Variants in ZNF385B observed in about 807,000 individuals in gnomAD.
ZNF385B encodes the protein zinc finger protein 385B.
Under a neutral mutation model 39.2 loss-of-function variants are expected in ZNF385B, and 23 were observed. The ratio of observed to expected loss-of-function variants is 0.59; its 90% CI spans 0.42 to 0.83. The LOEUF (loss-of-function observed/expected upper bound fraction) is 0.83, where lower values mean the gene tolerates loss of function less well. Among genes scored for constraint, ZNF385B ranks in the 40% least tolerant of loss-of-function variants. The pLI is 0.00. For synonymous variants in ZNF385B, 205 were observed against 222.6 expected, an observed-to-expected ratio of 0.92 and a Z score of 0.70; for missense variants, 552 against 598.9, an observed-to-expected ratio of 0.92 and a Z score of 0.82.
intron 3 of ZNF385B, among the ~76,000 whole-genome samples, chr2:179,761,147 T>C (rs1369776577): frequency 6.6e-6 from 1 of 152,198 alleles, no homozygotes; most frequent in Non-Finnish European, 1.5e-5. Flanking sequence ...TAACATATAG[T>C]AAGCCTCAAT....
At position 179,861,023 on chromosome 2, in the gene ZNF385B, C is replaced by A. The variant is rs576723128; in HGVS notation, c.-155+78G>T. 248 of 166,564 alleles carry A rather than the reference C, an allele frequency of 1.5e-3. 1 individual carries two copies. Among genetic ancestry groups the A allele is most frequent in the Non-Finnish European group, 2.8e-3 (194 of 68,704 alleles). The allele number at this position is 166,564 out of a possible 1,614,324, so 10.3% of individuals were successfully genotyped here. On this transcript the variant is annotated intron_variant, in intron 1 of 9. Coordinates refer to ENST00000410066, the MANE Select transcript of ZNF385B (RefSeq NM_152520.6). ...CGCGCCCAGGTGCAGGCTCGCTCTG[C>A]GGAGGAGGGCGGGGGCCGGGCAAGC...
rs1324303161 is a variant in ZNF385B at position 179,722,572 on chromosome 2, C to G, written c.298+46931G>C. Among the ~76,000 whole-genome samples, 10 of 151,916 alleles carry G rather than the reference C, an allele frequency of 6.6e-5. 1 individual carries two copies. The South Asian group carries it at 2.1e-3, about 31-fold the overall frequency. ...AGAAAAATGCATAAAATTGACTGCA[C>G]AAAAACAGTTACTGGTAAATTCAAG... is the stretch of plus-strand genomic sequence containing the variant. On this transcript the variant is annotated intron_variant, in intron 3 of 9. Transcript: ENST00000410066.
In ZNF385B at chr2:179,591,661, TG is replaced by T. The variant is rs1352841779; in HGVS notation, c.299-46693del. On this transcript the variant is annotated intron_variant, in intron 3 of 9. Coordinates refer to ENST00000410066, the MANE Select transcript of ZNF385B (RefSeq NM_152520.6). Reference sequence around the variant, plus strand: ...GCTTCAGGGTAGAGAGTAAAGCCACTGAACTTTCTCTCTCTGCTTGGTTTAT... The same window carrying T: ...GCTTCAGGGTAGAGAGTAAAGCCACTAACTTTCTCTCTCTGCTTGGTTTAT... 6.6e-5 allele frequency among the ~76,000 whole-genome samples: 10 copies of T among 152,326 alleles called. No individual in the cohort carries two copies. In the East Asian group the frequency reaches 1.9e-3, roughly 29 times the overall value.
At chr2:179,779,005 C>T (rs970662043) in intron 1 of ZNF385B, among the ~76,000 whole-genome samples, 4 of 152,080 alleles carry the variant, frequency 2.6e-5, no homozygotes, top group Non-Finnish European at 5.9e-5. Flanking sequence ...CACAGACTTG[C>T]CAAGGGTTGA....
chr2:179,655,751 A>G (rs1487090440), intron 3 of ZNF385B, among the ~76,000 whole-genome samples: 2 of 152,188 alleles, frequency 1.3e-5, no homozygotes, highest in Non-Finnish European at 2.9e-5. Flanking sequence ...CTATCCTACA[A>G]TTACATGTCA....
chr2:179,683,251 G>A (rs1381646058), intron 3 of ZNF385B, among the ~76,000 whole-genome samples: 3 of 151,870 alleles, frequency 2.0e-5, no homozygotes, highest in Non-Finnish European at 4.4e-5. Context: ...TTAGCTGGAT[G>A]TGGTAGCTGG....
At chr2:179,578,145 C>T (rs912565651) in intron 3 of ZNF385B, among the ~76,000 whole-genome samples, 1 of 152,062 alleles carries the variant, frequency 6.6e-6, no homozygotes, top group Non-Finnish European at 1.5e-5. Flanking sequence ...GTATGTTGCA[C>T]ATTTAAGTAC....
intron 3 of ZNF385B, among the ~76,000 whole-genome samples, chr2:179,714,418 C>A (rs13407248): frequency 0.29 from 43,927 of 151,904 alleles, 6,794 homozygotes; most frequent in East Asian, 0.49. Flanking sequence ...CTAGGATTTA[C>A]ACCCAGCAGT....
At chr2:179,480,697 CTT>C (rs34013544) in intron 6 of ZNF385B, among the ~76,000 whole-genome samples, 2 of 146,512 alleles carry the variant, frequency 1.4e-5, no homozygotes, top group Admixed American at 6.9e-5. Flanking sequence ...AAATGCACTC[CTT>C]TTTTTTTTTT....
intron 1 of ZNF385B, among the ~76,000 whole-genome samples, chr2:179,772,794 C>T (rs770298468): frequency 1.1e-4 from 17 of 152,176 alleles, no homozygotes; most frequent in Non-Finnish European, 1.6e-4. Context: ...GAAGGACCTT[C>T]GGGGGTGTCT....
intron 1 of ZNF385B, among the ~76,000 whole-genome samples, chr2:179,783,899 T>C (rs933118296): frequency 6.6e-6 from 1 of 152,178 alleles, no homozygotes; most frequent in African/African-American, 2.4e-5. Context: ...TCAACCATTG[T>C]GGAACACAGC....
At chr2:179,568,625 AT>A (rs1422907992) in intron 3 of ZNF385B, among the ~76,000 whole-genome samples, 3 of 152,234 alleles carry the variant, frequency 2.0e-5, no homozygotes, top group Non-Finnish European at 4.4e-5. Context: ...GTATGGTGGT[AT>A]TTCATTATCA....
At chr2:179,541,889 TA>T (rs2059939763) in intron 4 of ZNF385B, among the ~76,000 whole-genome samples, 3 of 152,166 alleles carry the variant, frequency 2.0e-5, no homozygotes, top group African/African-American at 7.2e-5. Flanking sequence ...CTCAAGGACG[TA>T]AAGAGCCCGA....
At chr2:179,538,319 A>C (rs901186794) in intron 4 of ZNF385B, among the ~76,000 whole-genome samples, 1 of 152,176 alleles carries the variant, frequency 6.6e-6, no homozygotes, top group African/African-American at 2.4e-5. Flanking sequence ...TGTTTAAATA[A>C]AGACTTCATT....
At chr2:179,693,411 G>C (rs1698499598) in intron 3 of ZNF385B, among the ~76,000 whole-genome samples, 2 of 152,166 alleles carry the variant, frequency 1.3e-5, no homozygotes. Flanking sequence ...TATATGAATA[G>C]AGAAATATGA....
chr2:179,554,973 T>A (rs7573632), intron 3 of ZNF385B, among the ~76,000 whole-genome samples: 46,026 of 148,768 alleles, frequency 0.31, 9,386 homozygotes, highest in Admixed American at 0.46. Flanking sequence ...AAATACCCTA[T>A]GACCCAGAAA....
At chr2:179,747,597 A>T (rs1702457371) in intron 3 of ZNF385B, among the ~76,000 whole-genome samples, 1 of 152,158 alleles carries the variant, frequency 6.6e-6, no homozygotes, top group Non-Finnish European at 1.5e-5. Flanking sequence ...GAGAGATTGT[A>T]TGCCTAAAAA....
intron 5 of ZNF385B, among the ~76,000 whole-genome samples, chr2:179,508,845 T>C (rs890836711): frequency 3.9e-5 from 6 of 152,184 alleles, no homozygotes; most frequent in African/African-American, 1.4e-4. Context: ...TAGACATCTA[T>C]GTATTTAAAG....
intron 1 of ZNF385B, among the ~76,000 whole-genome samples, chr2:179,835,363 G>A (rs754661736): frequency 7.2e-5 from 11 of 152,166 alleles, no homozygotes; most frequent in Non-Finnish European, 1.5e-4. Flanking sequence ...GCAGGGGGAA[G>A]GTGGAAACCC....
Sources: gnomAD v4.1 joint callset for allele counts (sites outside exome capture counted in the v4.1 genomes callset) on GRCh38, gnomAD v4.1.1 for gene constraint, MANE v1.5 for transcripts, NCBI Gene and HGNC (gene_info 2026-07-23, HGNC 2026-07-21) for gene names.